The following TXNDC15 variants were observed in gnomAD, a reference collection of about 807,000 sequenced individuals.
TXNDC15 encodes the protein thioredoxin domain containing 15.
In TXNDC15, 24 loss-of-function variants were observed where a neutral mutation model predicts 35.0. That is an observed-to-expected ratio of 0.68 (90% CI 0.50 to 0.96). TXNDC15 has a LOEUF of 0.96. Ranked by LOEUF, TXNDC15 falls within the 40% of genes least tolerant of loss-of-function variation. TXNDC15 has a pLI of 0.00. For missense variants in TXNDC15, 385 were observed against 453.3 expected, an observed-to-expected ratio of 0.85 and a Z score of 1.37; for synonymous variants, 169 against 174.0, an observed-to-expected ratio of 0.97 and a Z score of 0.23.
chr5:134,901,278 C>G lies in TXNDC15; in HGVS notation c.*1593C>G, dbSNP rs982673223. On this transcript the variant is annotated 3_prime_UTR_variant, in exon 5 of 5. Coordinates refer to ENST00000358387, the MANE Select transcript of TXNDC15 (RefSeq NM_024715.4). ...GATGAGTCTCCTTCTTAGAGTGTTA[C>G]AATGAATGGGAGTTTACAACTTTTA... 2.0e-5 allele frequency: 3 copies of G among 152,184 alleles called. No homozygotes were observed. The highest frequency in any genetic ancestry group is 4.8e-5 in the African/African-American group (2 of 41,432). The allele number at this position is 152,184 out of a possible 1,614,324, so 9.4% of individuals were successfully genotyped here. A position where few individuals can be genotyped will look rare whatever the true frequency, so the allele number is the denominator to read the frequency against.
chr5:134,880,894 G>A (rs1353418923), intron 1 of TXNDC15, among the ~76,000 whole-genome samples: 2 of 151,668 alleles, frequency 1.3e-5, no homozygotes, highest in African/African-American at 4.8e-5. Context: ...TTTGTCACTG[G>A]TTTTGAGCAA....
upstream of TXNDC15, chr5:134,873,830 C>G (rs1044336511): frequency 6.6e-6 from 1 of 152,134 alleles, no homozygotes; most frequent in Non-Finnish European, 1.5e-5. Context: ...CCAGATGTCA[C>G]GAAGTTACAG....
At position 134,899,769 on chromosome 5, in the gene TXNDC15, T is replaced by A; in HGVS notation, c.*84T>A. The A allele has an allele frequency of 8.7e-7, 1 of 1,142,924 alleles. No individual in the cohort carries two copies. Among genetic ancestry groups the A allele is most frequent in the Non-Finnish European group, 1.2e-6 (1 of 818,382 alleles). The allele number at this position is 1,142,924 out of a possible 1,614,324, so 70.8% of individuals were successfully genotyped here. On this transcript the variant is annotated 3_prime_UTR_variant, in exon 5 of 5. Transcript: ENST00000358387. Reference sequence around the variant, plus strand: ...CTACAGTTTCATACATTTTCTCCAGTGACGTGTTGACTTGAAACTTCAGGC... The same window carrying A: ...CTACAGTTTCATACATTTTCTCCAGAGACGTGTTGACTTGAAACTTCAGGC...
intron 2 of TXNDC15, among the ~76,000 whole-genome samples, chr5:134,892,025 C>G (rs1750399003): frequency 2.0e-5 from 3 of 152,176 alleles, no homozygotes; most frequent in African/African-American, 7.2e-5. Context: ...GCATTGACAT[C>G]TCTTGTCTAG....
intron 2 of TXNDC15, among the ~76,000 whole-genome samples, chr5:134,888,911 T>G (rs56069449): frequency 1 from 152,373 of 152,374 alleles, 76,186 homozygotes; most frequent in Middle Eastern, 1. Flanking sequence ...ATTGATGAAA[T>G]TTTCTCTTTC....
intron 1 of TXNDC15, among the ~76,000 whole-genome samples, chr5:134,877,557 T>C (rs1173724784): frequency 2.0e-5 from 3 of 151,900 alleles, no homozygotes; most frequent in Non-Finnish European, 4.4e-5. Flanking sequence ...TGAGAAGTGT[T>C]AGTTGGGATG....
chr5:134,874,576 AGG>A (rs757030836), intron 1 of TXNDC15, 46 bp downstream of exon 1: 1 of 1,491,508 alleles, frequency 6.7e-7, no homozygotes, highest in African/African-American at 1.4e-5. Flanking sequence ...GGGCGAGCTG[AGG>A]TCCACCCGGG....
chr5:134,874,340 C>T (rs764875271), upstream of TXNDC15: 73 of 1,176,260 alleles, frequency 6.2e-5, no homozygotes, highest in Non-Finnish European at 8.0e-5. Context: ...GGGCCGCGCC[C>T]GCGCTCCCAG....
Position 134,899,555 on chromosome 5 carries a change from T to C in TXNDC15, c.953T>C (p.Leu318Ser). The C allele has an allele frequency of 6.2e-7, 1 of 1,614,078 alleles. No homozygotes were observed. Among genetic ancestry groups the C allele is most frequent in the South Asian group, 1.1e-5 (1 of 91,020 alleles). ...CAAATAGGCCCTCTTCCCAGCACTT[T>C]GATAAAAAGTGTGGACTGGTTGCTT... is the stretch of plus-strand genomic sequence containing the variant. ...ADQIGPLPST[L>S]IKSVDWLLVF... The change falls in exon 5 of 5, where the codon TTG (leucine) becomes TCG (serine). Residue 318 changes from leucine to serine, a missense_variant. Physicochemically the swap from Leu to Ser is moderately radical, Grantham distance 145. Coordinates refer to ENST00000358387, the MANE Select transcript of TXNDC15 (RefSeq NM_024715.4).
intron 1 of TXNDC15, among the ~76,000 whole-genome samples, chr5:134,881,765 C>G (rs1431971944): frequency 6.9e-6 from 1 of 145,018 alleles, no homozygotes; most frequent in Non-Finnish European, 1.5e-5. Flanking sequence ...TAGGGGCGGC[C>G]GGGCAGAGGC....
upstream of TXNDC15, chr5:134,874,001 A>G (rs1561894613): frequency 6.3e-6 from 1 of 158,984 alleles, no homozygotes; most frequent in Non-Finnish European, 1.4e-5. Flanking sequence ...GCAGCCTCCA[A>G]AGTTTCTGCA....
At chr5:134,874,343 G>GCTCCCAGGCTCTCCT, upstream of TXNDC15, 3 of 1,193,116 alleles carry the variant, frequency 2.5e-6, no homozygotes, top group South Asian at 3.3e-5. Flanking sequence ...CCGCGCCCGC[G>GCTCCCAGGCTCTCCT]CTCCCAGGCT....
intron 1 of TXNDC15, among the ~76,000 whole-genome samples, chr5:134,876,933 A>G (rs767158809): frequency 1.4e-4 from 21 of 152,256 alleles, no homozygotes; most frequent in Non-Finnish European, 2.6e-4. Context: ...AGCACTCATC[A>G]TATGCTAAAC....
At chr5:134,895,396 A>G (rs1750469421) in intron 3 of TXNDC15, among the ~76,000 whole-genome samples, 1 of 152,186 alleles carries the variant, frequency 6.6e-6, no homozygotes, top group African/African-American at 2.4e-5. Flanking sequence ...CACTGCCCCC[A>G]GGCATACTCA....
intron 3 of TXNDC15, among the ~76,000 whole-genome samples, chr5:134,894,360 T>G (rs1275932684): frequency 6.7e-6 from 1 of 150,214 alleles, no homozygotes; most frequent in African/African-American, 2.5e-5. Flanking sequence ...GGCTGGTCAT[T>G]TTTTTTTTCT....
In TXNDC15 at chr5:134,899,571, C is replaced by T. The variant is rs1750560831; in HGVS notation, c.969C>T (p.Asp323=). 3 of 1,613,952 alleles carry T rather than the reference C, an allele frequency of 1.9e-6. No homozygotes were observed. Among genetic ancestry groups the T allele is most frequent in the Non-Finnish European group, 2.5e-6 (3 of 1,179,990 alleles). Residue 323 remains aspartate, a synonymous_variant, in exon 5 of 5, where the codon GAC becomes GAT. Transcript: ENST00000358387. ...CCAGCACTTTGATAAAAAGTGTGGA[C>T]TGGTTGCTTGTATTTTCCTTATTCT... ...PLPSTLIKSV[D]WLLVFSLFFL...
Position 134,898,856 on chromosome 5 carries a change from A to G in TXNDC15, c.887-633A>G, listed in dbSNP as rs192388124. The stretch of plus-strand genomic sequence containing the variant: ...TTGGGAGGCTGAGGTGGGCAGATCA[A>G]CTGAGGTCTGGAGTTCGAGACCAGC... On this transcript the variant is annotated intron_variant, in intron 4 of 4. Coordinates refer to ENST00000358387, the MANE Select transcript of TXNDC15 (RefSeq NM_024715.4). Among the ~76,000 whole-genome samples, 414 of 152,236 alleles carry G rather than the reference A, an allele frequency of 2.7e-3. 3 individuals are homozygous for G. The highest frequency in any genetic ancestry group is 4.6e-3 in the Non-Finnish European group (310 of 68,016).
intron 4 of TXNDC15, among the ~76,000 whole-genome samples, chr5:134,899,210 C>T (rs1162227584): frequency 6.6e-6 from 1 of 152,120 alleles, no homozygotes; most frequent in Non-Finnish European, 1.5e-5. Flanking sequence ...CTCTTATAAA[C>T]ACATTGACTA....
At position 134,874,406 on chromosome 5, in the gene TXNDC15, C is replaced by G. The variant is rs374142521; in HGVS notation, c.-22C>G. 7 of 1,576,958 alleles carry G rather than the reference C, an allele frequency of 4.4e-6. No homozygotes were observed. The highest frequency in any genetic ancestry group is 5.1e-6 in the Non-Finnish European group (6 of 1,166,808). The stretch of plus-strand genomic sequence containing the variant: ...CAGCACGACTCGCGTAGCCGTGCGC[C>G]GATTGCCTCTCGGCCTGGGCAATGG... On this transcript the variant is annotated 5_prime_UTR_variant, in exon 1 of 5. Transcript: ENST00000358387.
Sources: gnomAD v4.1 joint callset for allele counts (sites outside exome capture counted in the v4.1 genomes callset) on GRCh38, gnomAD v4.1.1 for gene constraint, MANE v1.5 for transcripts, NCBI Gene and HGNC (gene_info 2026-07-23, HGNC 2026-07-21) for gene names.